The following BCO2 variants were observed in gnomAD, a reference collection of about 807,000 sequenced individuals.
BCO2 encodes the protein carotenoid-cleaving dioxygenase, mitochondrial.
Under a neutral mutation model 65.8 loss-of-function variants are expected in BCO2, and 56 were observed. The ratio of observed to expected loss-of-function variants is 0.85; its 90% CI spans 0.69 to 1.06. BCO2 has a LOEUF of 1.06. Ranked by LOEUF, BCO2 falls within the 50% of genes least tolerant of loss-of-function variation. The probability of loss-of-function intolerance (pLI) is 0.00; values close to 1 mark genes in which losing one functional copy is unlikely to be tolerated. For missense variants in BCO2, 675 were observed against 698.5 expected, an observed-to-expected ratio of 0.97 and a Z score of 0.38; for synonymous variants, 233 against 242.3, an observed-to-expected ratio of 0.96 and a Z score of 0.36.
intron 5 of BCO2, 37 bp downstream of exon 5, chr11:112,194,792 A>C: frequency 7.2e-7 from 1 of 1,387,990 alleles, no homozygotes; most frequent in Non-Finnish European, 1.0e-6. Flanking sequence ...GAAATAATTG[A>C]GACCAGGCAC....
rs1867703861 is a variant in BCO2 at position 112,200,653 on chromosome 11, A to G, written c.906A>G (p.Leu302=). 1 of 1,613,232 alleles carries G rather than the reference A, an allele frequency of 6.2e-7. No individual in the cohort carries two copies. The highest frequency in any genetic ancestry group is 8.5e-7 in the Non-Finnish European group (1 of 1,179,690). ...RNYIIFIEQP[L]KMNLWKIATS... is the part of the protein sequence containing the mutation. ...ATATAATTTTCATTGAACAACCTCT[A>G]AAGATGAACCTGTGGAAAATTGCCA... Residue 302 remains leucine (L), a synonymous_variant, in exon 7 of 12, where the codon CTA becomes CTG. Transcript: ENST00000357685.
chr11:112,180,711 AGGTG>A, intron 2 of BCO2: 1 of 784,636 alleles, frequency 1.3e-6, no homozygotes, highest in Non-Finnish European at 2.4e-6. Context: ...GAGGAGAAAA[AGGTG>A]GGAGGAGGAC....
intron 5 of BCO2, among the ~76,000 whole-genome samples, chr11:112,198,011 G>A (rs1036262631): frequency 1.3e-5 from 2 of 152,136 alleles, no homozygotes; most frequent in Non-Finnish European, 2.9e-5. Context: ...TTCCAGACCA[G>A]CATATTTAAA....
intron 6 of BCO2, among the ~76,000 whole-genome samples, chr11:112,200,072 A>T (rs1160282368): frequency 1.3e-5 from 2 of 152,178 alleles, no homozygotes; most frequent in Non-Finnish European, 2.9e-5. Context: ...AAATTAATTG[A>T]TATAATTTAA....
chr11:112,175,552 A>G lies in BCO2; in HGVS notation c.-50A>G. 1 of 1,398,276 alleles carries G rather than the reference A, an allele frequency of 7.2e-7. No homozygotes were observed. Among genetic ancestry groups the G allele is most frequent in the Non-Finnish European group, 1.0e-6 (1 of 984,124 alleles). The allele number at this position is 1,398,276 out of a possible 1,614,324, so 86.6% of individuals were successfully genotyped here. A position where few individuals can be genotyped will look rare whatever the true frequency, so the allele number is the denominator to read the frequency against. On this transcript the variant is annotated 5_prime_UTR_variant, in exon 1 of 12. Transcript: ENST00000357685. ...TGTTCACTGTTTAGTAGTACTCAAA[A>G]CTGCCAGTGTGAGAGGATTTGGAAA...
At chr11:112,181,814 C>T (rs1024645391) in intron 2 of BCO2, 1 of 893,666 alleles carries the variant, frequency 1.1e-6, no homozygotes, top group Non-Finnish European at 1.9e-6. Context: ...CCAGTTTAAG[C>T]TGCTGTAATC....
At chr11:112,215,969 T>C (rs1364609576) in intron 10 of BCO2, 2 of 419,442 alleles carry the variant, frequency 4.8e-6, no homozygotes, top group Non-Finnish European at 4.4e-6. Flanking sequence ...TCAGACGAAC[T>C]AATAGAGCGA....
intron 8 of BCO2, among the ~76,000 whole-genome samples, chr11:112,207,539 G>A (rs1323736381): frequency 1.3e-5 from 2 of 152,136 alleles, no homozygotes; most frequent in African/African-American, 4.8e-5. Flanking sequence ...TTCTACTTAT[G>A]GTTACTTGTG....
intron 8 of BCO2, among the ~76,000 whole-genome samples, chr11:112,205,100 T>C (rs1163672287): frequency 2.6e-5 from 4 of 152,368 alleles, no homozygotes; most frequent in Non-Finnish European, 1.5e-5. Flanking sequence ...CAATAGTTTA[T>C]TAGTAGTTAA....
intron 10 of BCO2, chr11:112,215,154 A>G (rs11214139): frequency 0.12 from 69,826 of 558,744 alleles, 6,571 homozygotes; most frequent in East Asian, 0.43. Flanking sequence ...AAATAATTCT[A>G]TGTTTGATTT....
chr11:112,198,882 A>G (rs1284336015), intron 5 of BCO2, among the ~76,000 whole-genome samples: 1 of 150,680 alleles, frequency 6.6e-6, no homozygotes, highest in Non-Finnish European at 1.5e-5. Context: ...TGAGTTTAAG[A>G]ACTTCAACTC....
intron 2 of BCO2, chr11:112,179,751 T>C: frequency 2.3e-6 from 1 of 430,244 alleles, no homozygotes. Flanking sequence ...GTGTGGTGAC[T>C]GAGCTGTTTC....
chr11:112,210,957 C>A (rs569234325), intron 8 of BCO2, among the ~76,000 whole-genome samples: 4 of 152,090 alleles, frequency 2.6e-5, no homozygotes, highest in Non-Finnish European at 5.9e-5. Flanking sequence ...ATATATATAA[C>A]ATTAAATTTA....
At chr11:112,214,535 G>A (rs111997478) in intron 9 of BCO2, among the ~76,000 whole-genome samples, 11 of 152,276 alleles carry the variant, frequency 7.2e-5, no homozygotes, top group African/African-American at 2.6e-4. Flanking sequence ...AGAATAAAAC[G>A]CATATCTCCA....
intron 1 of BCO2, among the ~76,000 whole-genome samples, chr11:112,178,090 T>C (rs927905343): frequency 2.0e-5 from 3 of 151,512 alleles, no homozygotes; most frequent in Non-Finnish European, 2.9e-5. Flanking sequence ...TTTTTTTGTA[T>C]TTTTAGTAAA....
At chr11:112,209,303 G>A (rs990085638) in intron 8 of BCO2, among the ~76,000 whole-genome samples, 2 of 152,036 alleles carry the variant, frequency 1.3e-5, no homozygotes, top group Non-Finnish European at 2.9e-5. Context: ...CACTATTTCT[G>A]TAGTTTTGAC....
chr11:112,181,814 C>A, intron 2 of BCO2: 1 of 893,664 alleles, frequency 1.1e-6, no homozygotes, highest in Non-Finnish European at 1.9e-6. Context: ...CCAGTTTAAG[C>A]TGCTGTAATC....
At position 112,175,557 on chromosome 11, in the gene BCO2, C is replaced by G. The variant is rs775196003; in HGVS notation, c.-45C>G. 6.2e-5 allele frequency: 89 copies of G among 1,432,656 alleles called. No homozygotes were observed. The highest frequency in any genetic ancestry group is 9.8e-5 in the African/African-American group (7 of 71,134). The allele number at this position is 1,432,656 out of a possible 1,614,324, so 88.7% of individuals were successfully genotyped here. ...ACTGTTTAGTAGTACTCAAAACTGC[C>G]AGTGTGAGAGGATTTGGAAATCACT... On this transcript the variant is annotated 5_prime_UTR_variant, in exon 1 of 12. Transcript: ENST00000357685.
intron 8 of BCO2, 97 bp downstream of exon 8, chr11:112,202,287 CTCT>C: frequency 1.7e-6 from 2 of 1,153,312 alleles, no homozygotes; most frequent in South Asian, 1.6e-5. Flanking sequence ...CTCTCTCTCT[CTCT>C]TTTTTCTTTT....
Sources: allele counts gnomAD v4.1 joint callset (sites outside exome capture counted in the v4.1 genomes callset), GRCh38; gene constraint gnomAD v4.1.1; transcripts MANE v1.5; gene names NCBI Gene and HGNC (gene_info 2026-07-23, HGNC 2026-07-21).